The following IL1RAPL2 variants were observed in gnomAD, a reference collection of about 807,000 sequenced individuals.
IL1RAPL2 encodes interleukin 1 receptor accessory protein like 2, also known as X-linked interleukin-1 receptor accessory protein-like 2.
In IL1RAPL2, 3 loss-of-function variants were observed where a neutral mutation model predicts 44.1. The observed-to-expected ratio is 0.07, with a 90% CI of 0.03 to 0.18. The LOEUF (loss-of-function observed/expected upper bound fraction) is 0.18. IL1RAPL2 is among the 10% of genes least tolerant of loss of function. The pLI is 1.00. For missense variants in IL1RAPL2, 391 were observed against 496.4 expected (o/e 0.79, Z 2.02); for synonymous variants, 181 against 178.8 (o/e 1.01, Z -0.10).
At chrX:105,148,966 G>A (rs1174915735) in intron 2 of IL1RAPL2, among the ~76,000 whole-genome samples, 2 of 111,703 alleles carry the variant, frequency 1.8e-5, no homozygotes, top group Non-Finnish European at 3.8e-5. Flanking sequence ...CCTTGATCTT[G>A]GACTTCCCAG....
At chrX:104,897,923 A>G (rs1285138855) in intron 2 of IL1RAPL2, among the ~76,000 whole-genome samples, 3 of 112,047 alleles carry the variant, frequency 2.7e-5, no homozygotes, top group Admixed American at 9.5e-5. Flanking sequence ...AGGAGGTGCA[A>G]TGATAAATGT....
intron 4 of IL1RAPL2, among the ~76,000 whole-genome samples, chrX:105,257,835 A>T (rs930849729): frequency 9.0e-6 from 1 of 111,668 alleles, no homozygotes; most frequent in Non-Finnish European, 1.9e-5. Flanking sequence ...TACATGTGAG[A>T]TGGGTCTTTT....
At chrX:105,750,664 A>G (rs2038589853) in intron 9 of IL1RAPL2, among the ~76,000 whole-genome samples, 1 of 109,030 alleles carries the variant, frequency 9.2e-6, no homozygotes, top group Admixed American at 9.9e-5. Flanking sequence ...AAATCTACAC[A>G]TTTACTCAGC....
At chrX:104,668,199 A>T (rs1320709342) in intron 2 of IL1RAPL2, among the ~76,000 whole-genome samples, 1 of 111,499 alleles carries the variant, frequency 9.0e-6, no homozygotes, top group South Asian at 3.8e-4. Context: ...CAATTTTAAA[A>T]TTATAGGATA....
chrX:105,069,755 C>T (rs1044912159), intron 2 of IL1RAPL2, among the ~76,000 whole-genome samples: 1 of 112,279 alleles, frequency 8.9e-6, no homozygotes, highest in African/African-American at 3.2e-5. Flanking sequence ...TCATTATCAA[C>T]TTTTGTCCTT....
chrX:104,605,599 A>G (rs760310976), intron 1 of IL1RAPL2, among the ~76,000 whole-genome samples: 27 of 111,997 alleles, frequency 2.4e-4, no homozygotes, highest in African/African-American at 6.8e-4. Flanking sequence ...AAAAGAGAGA[A>G]GAATCAAATA....
intron 2 of IL1RAPL2, among the ~76,000 whole-genome samples, chrX:104,946,677 G>C (rs2147706507): frequency 1.0e-5 from 1 of 100,145 alleles, no homozygotes; most frequent in East Asian, 3.3e-4. Context: ...TTGGTTTTTA[G>C]TTCTTGCAAT....
chrX:105,538,723 C>T (rs1203482302), intron 6 of IL1RAPL2, among the ~76,000 whole-genome samples: 2 of 111,046 alleles, frequency 1.8e-5, no homozygotes, highest in Non-Finnish European at 3.8e-5. Flanking sequence ...TACTAGGCGC[C>T]GAAATAGGAA....
intron 2 of IL1RAPL2, among the ~76,000 whole-genome samples, chrX:105,112,691 G>A (rs1022229795): frequency 8.9e-6 from 1 of 112,861 alleles, no homozygotes; most frequent in Non-Finnish European, 1.9e-5. Flanking sequence ...TTGTGAACAT[G>A]AAATCCTCAA....
intron 6 of IL1RAPL2, among the ~76,000 whole-genome samples, chrX:105,548,400 A>T (rs1418059677): frequency 9.0e-6 from 1 of 111,242 alleles, no homozygotes; most frequent in Non-Finnish European, 1.9e-5. Context: ...ACAGGTGAAG[A>T]GTGAGGAAAA....
At chrX:104,992,810 T>C (rs943167341) in intron 2 of IL1RAPL2, among the ~76,000 whole-genome samples, 1 of 110,671 alleles carries the variant, frequency 9.0e-6, no homozygotes, top group Non-Finnish European at 1.9e-5. Context: ...TTTACAATTA[T>C]ACCAACATCA....
At chrX:104,693,545 G>T (rs1569298342) in intron 2 of IL1RAPL2, among the ~76,000 whole-genome samples, 1 of 111,900 alleles carries the variant, frequency 8.9e-6, no homozygotes, top group Non-Finnish European at 1.9e-5. Flanking sequence ...CACCTTCATT[G>T]AGGAGCATTT....
At chrX:104,718,584 T>C (rs1038013834) in intron 2 of IL1RAPL2, among the ~76,000 whole-genome samples, 1 of 111,154 alleles carries the variant, frequency 9.0e-6, no homozygotes, top group Non-Finnish European at 1.9e-5. Context: ...CCTGCAGCCA[T>C]GTAAGACGTG....
intron 1 of IL1RAPL2, among the ~76,000 whole-genome samples, chrX:104,634,853 ATAT>A (rs962478200): frequency 2.3e-4 from 26 of 111,541 alleles, no homozygotes; most frequent in Admixed American, 2.2e-3. Context: ...TTTAAGGTTA[ATAT>A]TATTATTTGT....
intron 2 of IL1RAPL2, among the ~76,000 whole-genome samples, chrX:105,107,762 C>T (rs2032757944): frequency 9.0e-6 from 1 of 111,428 alleles, no homozygotes; most frequent in Admixed American, 9.5e-5. Context: ...GGCATCTCAT[C>T]CTCCCATCCA....
chrX:104,945,514 G>A (rs1422960416), intron 2 of IL1RAPL2, among the ~76,000 whole-genome samples: 4 of 111,222 alleles, frequency 3.6e-5, no homozygotes, highest in South Asian at 3.8e-4. Context: ...AGCAATCACC[G>A]CATTATCTGC....
chrX:104,946,379 C>CAAAAAAAAAAAAAAAAAAAAAAAAAAAA (rs1157603029), intron 2 of IL1RAPL2, among the ~76,000 whole-genome samples: 1 of 9,140 alleles, frequency 1.1e-4, no homozygotes, highest in African/African-American at 5.7e-4. Context: ...GACTCCGTCT[C>CAAAAAAAAAAAAAAAAAAAAAAAAAAAA]AAAAAAAAAA....
intron 2 of IL1RAPL2, among the ~76,000 whole-genome samples, chrX:104,797,900 C>T (rs796150483): frequency 2.5e-4 from 28 of 112,108 alleles, no homozygotes; most frequent in African/African-American, 7.5e-4. Flanking sequence ...ACTTATTGCA[C>T]GCTCAGTATG....
At chrX:104,762,155 G>A (rs765136238) in intron 2 of IL1RAPL2, among the ~76,000 whole-genome samples, 1 of 108,704 alleles carries the variant, frequency 9.2e-6, no homozygotes, top group African/African-American at 3.3e-5. Context: ...CCACCACCAC[G>A]CCTGGCCAAT....
Sources: gnomAD v4.1 joint callset for allele counts (sites outside exome capture counted in the v4.1 genomes callset) on GRCh38, gnomAD v4.1.1 for gene constraint, MANE v1.5 for transcripts, NCBI Gene and HGNC (gene_info 2026-07-23, HGNC 2026-07-21) for gene names.